The following XKR9 variants were observed in gnomAD, a reference collection of about 807,000 sequenced individuals.
XKR9 encodes XK-related protein 9.
A neutral mutation model predicts 32.0 loss-of-function variants in XKR9; 32 were observed. That is an observed-to-expected ratio of 1.00 (90% CI 0.76 to 1.34). The LOEUF (loss-of-function observed/expected upper bound fraction) is 1.34. XKR9 is among the 40% of genes most tolerant of loss of function. XKR9 has a pLI of 0.00. For missense variants in XKR9, 546 were observed against 429.7 expected (o/e 1.27, Z -2.39); for synonymous variants, 168 against 143.4 (o/e 1.17, Z -1.22).
chr8:71,036,655 TAATC>T, the XKR9 span, among the ~76,000 whole-genome samples: 6 of 152,230 alleles, frequency 3.9e-5, no homozygotes, highest in East Asian at 3.9e-4. Context: ...GTGCATAAAA[TAATC>T]AATCACAATG....
chr8:70,811,287 A>C, the XKR9 span, among the ~76,000 whole-genome samples: 3 of 152,184 alleles, frequency 2.0e-5, no homozygotes, highest in African/African-American at 7.2e-5. Flanking sequence ...ACACATTCAA[A>C]GCAGTGTGTA....
rs557976176 is a variant in XKR9, at chr8:70,701,468, G to T, written c.273-5465G>T. 1.6e-4 allele frequency among the ~76,000 whole-genome samples: 25 copies of T among 152,256 alleles called. No homozygotes were observed. In the South Asian group the frequency reaches 5.0e-3, roughly 30 times the overall value. ...TTGCCCCTTCTGTTTCTCTCTTAGA[G>T]CCAGGCACACTAACTGCTTCTAGTC... On this transcript the variant is annotated intron_variant, in intron 3 of 4. Transcript: ENST00000408926.
At chr8:71,065,136 C>G in the XKR9 span, among the ~76,000 whole-genome samples, 1 of 152,074 alleles carries the variant, frequency 6.6e-6, no homozygotes, top group African/African-American at 2.4e-5. Context: ...TATAAATACT[C>G]TTTATTGACA....
the XKR9 span, among the ~76,000 whole-genome samples, chr8:70,814,561 T>TA: frequency 6.6e-6 from 1 of 151,492 alleles, no homozygotes; most frequent in Non-Finnish European, 1.5e-5. Flanking sequence ...CTCTTTCTGA[T>TA]AAAAACCCTC....
At chr8:70,878,049 C>T in the XKR9 span, among the ~76,000 whole-genome samples, 1 of 152,102 alleles carries the variant, frequency 6.6e-6, no homozygotes, top group Admixed American at 6.6e-5. Flanking sequence ...AATTTCATAG[C>T]CAGCAAAACT....
chr8:70,890,107 T>TA, the XKR9 span, among the ~76,000 whole-genome samples: 3 of 152,000 alleles, frequency 2.0e-5, no homozygotes, highest in Non-Finnish European at 4.4e-5. Context: ...TTTTTAATGA[T>TA]AGGTATTCTG....
chr8:71,042,220 A>G, the XKR9 span, among the ~76,000 whole-genome samples: 2 of 152,110 alleles, frequency 1.3e-5, no homozygotes, highest in Non-Finnish European at 2.9e-5. Context: ...CTAACCTTAC[A>G]TGGACCTCTA....
the XKR9 span, among the ~76,000 whole-genome samples, chr8:70,801,936 T>C: frequency 2.0e-5 from 3 of 151,634 alleles, no homozygotes; most frequent in African/African-American, 7.3e-5. Flanking sequence ...TTCTTTTTCT[T>C]TCTTTTTTTT....
intron 3 of XKR9, among the ~76,000 whole-genome samples, chr8:70,697,148 C>A (rs1385664626): frequency 6.7e-6 from 1 of 149,650 alleles, no homozygotes; most frequent in Non-Finnish European, 1.5e-5. Flanking sequence ...ATTTGACTTC[C>A]TCTTTTCCTA....
intron 2 of XKR9, among the ~76,000 whole-genome samples, chr8:70,758,386 A>G (rs1420951875): frequency 6.6e-6 from 1 of 152,114 alleles, no homozygotes. Context: ...TTTTCTGTAC[A>G]CTAGTCCCAT....
At chr8:70,890,958 G>T in the XKR9 span, among the ~76,000 whole-genome samples, 3 of 151,894 alleles carry the variant, frequency 2.0e-5, no homozygotes, top group East Asian at 5.8e-4. Flanking sequence ...TTGATTACAG[G>T]TTTAATCTTC....
intron 3 of XKR9, among the ~76,000 whole-genome samples, chr8:70,695,189 T>C (rs1161846913): frequency 6.6e-6 from 1 of 151,282 alleles, no homozygotes; most frequent in African/African-American, 2.4e-5. Flanking sequence ...ATTTTATTAT[T>C]ATTATACTTT....
At chr8:70,792,262 T>C (rs1458936985), downstream of XKR9, among the ~76,000 whole-genome samples, 2 of 152,076 alleles carry the variant, frequency 1.3e-5, no homozygotes, top group Non-Finnish European at 2.9e-5. Flanking sequence ...ATCATTCCTA[T>C]CTCCAAGGGC....
chr8:70,939,067 A>G, the XKR9 span, among the ~76,000 whole-genome samples: 1 of 151,380 alleles, frequency 6.6e-6, no homozygotes, highest in African/African-American at 2.4e-5. Context: ...GATCAGCCTT[A>G]TCTCCCATTA....
At chr8:70,864,759 G>T in the XKR9 span, among the ~76,000 whole-genome samples, 1 of 152,100 alleles carries the variant, frequency 6.6e-6, no homozygotes, top group Non-Finnish European at 1.5e-5. Flanking sequence ...GGAACCGTTT[G>T]CTGTCTCAGG....
At chr8:70,818,371 TCTTAG>T in the XKR9 span, among the ~76,000 whole-genome samples, 6 of 152,192 alleles carry the variant, frequency 3.9e-5, no homozygotes, top group Non-Finnish European at 8.8e-5. Flanking sequence ...GCAGCACTTA[TCTTAG>T]CTTATAATTA....
the XKR9 span, among the ~76,000 whole-genome samples, chr8:70,929,683 A>G: frequency 6.6e-6 from 1 of 152,178 alleles, no homozygotes; most frequent in African/African-American, 2.4e-5. Flanking sequence ...GCTAGTCTCT[A>G]GTCTTTGCAC....
intron 2 of XKR9, among the ~76,000 whole-genome samples, chr8:70,757,306 A>G (rs1319513868): frequency 6.6e-6 from 1 of 151,748 alleles, no homozygotes; most frequent in African/African-American, 2.4e-5. Context: ...TTTCCTCATC[A>G]TCTTTTTTTT....
At chr8:70,992,513 A>T in the XKR9 span, among the ~76,000 whole-genome samples, 1 of 152,114 alleles carries the variant, frequency 6.6e-6, no homozygotes, top group African/African-American at 2.4e-5. Flanking sequence ...CCAGTACTTA[A>T]GCTATTGTCT....
Sources: gnomAD v4.1 joint callset for allele counts (sites outside exome capture counted in the v4.1 genomes callset) on GRCh38, gnomAD v4.1.1 for gene constraint, MANE v1.5 for transcripts, NCBI Gene and HGNC (gene_info 2026-07-23, HGNC 2026-07-21) for gene names.